MARCHF1: variants seen among roughly 807,000 people sequenced by gnomAD.
MARCHF1 encodes E3 ubiquitin-protein ligase MARCHF1.
In MARCHF1, 40 loss-of-function variants were observed where a neutral mutation model predicts 54.2. That is an observed-to-expected ratio of 0.74 (90% CI 0.57 to 0.96). The LOEUF (loss-of-function observed/expected upper bound fraction) is 0.96, where lower values mean the gene tolerates loss of function less well. Among genes scored for constraint, MARCHF1 ranks in the 40% least tolerant of loss-of-function variants. The probability of loss-of-function intolerance (pLI) is 0.00; values close to 1 mark genes in which losing one functional copy is unlikely to be tolerated. For synonymous variants in MARCHF1, 236 were observed against 236.3 expected (o/e 1.00, Z 0.01); for missense variants, 586 against 656.5 (o/e 0.89, Z 1.17).
At chr4:163,930,920 T>A (rs538625645) in intron 3 of MARCHF1, among the ~76,000 whole-genome samples, 1 of 152,176 alleles carries the variant, frequency 6.6e-6, no homozygotes, top group Admixed American at 6.6e-5. Context: ...ATGCTGTGAA[T>A]TAAATTGTGC....
At chr4:164,020,713 T>C (rs1414703021) in intron 2 of MARCHF1, among the ~76,000 whole-genome samples, 1 of 152,168 alleles carries the variant, frequency 6.6e-6, no homozygotes, top group African/African-American at 2.4e-5. Context: ...GGTAGATTGC[T>C]GGAGCTCAGG....
At chr4:163,683,246 G>A (rs181951979) in intron 5 of MARCHF1, among the ~76,000 whole-genome samples, 36 of 152,242 alleles carry the variant, frequency 2.4e-4, no homozygotes, top group East Asian at 2.1e-3. Flanking sequence ...CAATCATGGC[G>A]GAAGGTAAAA....
At chr4:163,898,554 G>A (rs1004428896) in intron 3 of MARCHF1, among the ~76,000 whole-genome samples, 4 of 152,188 alleles carry the variant, frequency 2.6e-5, no homozygotes, top group African/African-American at 9.7e-5. Flanking sequence ...TGAGGATGCA[G>A]AGAAAAGGGA....
intron 3 of MARCHF1, among the ~76,000 whole-genome samples, chr4:163,858,644 C>T (rs905775068): frequency 6.6e-6 from 1 of 152,062 alleles, no homozygotes; most frequent in Admixed American, 6.6e-5. Flanking sequence ...GTTCAGTTTC[C>T]ATTATGAAAG....
At chr4:163,867,708 A>ATAGGTATTCACT (rs1432000504) in intron 3 of MARCHF1, among the ~76,000 whole-genome samples, 2 of 151,730 alleles carry the variant, frequency 1.3e-5, no homozygotes, top group African/African-American at 4.8e-5. Context: ...GAATATTAAT[A>ATAGGTATTCACT]TAGGTATTCA....
chr4:163,608,384 G>T (rs1472201687), intron 7 of MARCHF1, among the ~76,000 whole-genome samples: 2 of 152,066 alleles, frequency 1.3e-5, no homozygotes, highest in Non-Finnish European at 2.9e-5. Flanking sequence ...GCATGAAAAG[G>T]TCATAGTTAA....
intron 1 of MARCHF1, among the ~76,000 whole-genome samples, chr4:164,301,013 G>GT (rs1341756013): frequency 2.8e-5 from 1 of 35,764 alleles, no homozygotes; most frequent in Admixed American, 3.0e-4. Flanking sequence ...CACACAGCAT[G>GT]TTTAGTTGCC....
At chr4:164,148,378 G>C (rs1433159093) in intron 1 of MARCHF1, among the ~76,000 whole-genome samples, 2 of 151,940 alleles carry the variant, frequency 1.3e-5, no homozygotes, top group African/African-American at 4.8e-5. Flanking sequence ...CATAGATCTT[G>C]GTTAAGTAAT....
chr4:163,853,938 A>G (rs989072975), intron 4 of MARCHF1, 83 bp downstream of exon 4: 1 of 1,165,832 alleles, frequency 8.6e-7, no homozygotes, highest in Non-Finnish European at 1.2e-6. Flanking sequence ...GATAACATTT[A>G]CTTATAAGGT....
chr4:164,098,908 TG>T (rs1755473663), intron 2 of MARCHF1, among the ~76,000 whole-genome samples: 1 of 152,236 alleles, frequency 6.6e-6, no homozygotes, highest in Admixed American at 6.5e-5. Context: ...GCCATGTAAG[TG>T]GTCCAATTTT....
chr4:164,340,028 A>G (rs1470010145), intron 1 of MARCHF1, among the ~76,000 whole-genome samples: 2 of 152,122 alleles, frequency 1.3e-5, no homozygotes, highest in Non-Finnish European at 2.9e-5. Context: ...AAACTGAGCA[A>G]ACCAATAATG....
chr4:163,999,174 T>C (rs990647662), intron 2 of MARCHF1, among the ~76,000 whole-genome samples: 4 of 151,580 alleles, frequency 2.6e-5, no homozygotes, highest in African/African-American at 9.7e-5. Flanking sequence ...TCATTAGCCA[T>C]TACCCAATGT....
intron 2 of MARCHF1, among the ~76,000 whole-genome samples, chr4:164,020,081 T>A (rs139180410): frequency 1.3e-5 from 2 of 152,334 alleles, no homozygotes; most frequent in African/African-American, 4.8e-5. Context: ...GTGACTACAC[T>A]TTGCCTCAAA....
intron 1 of MARCHF1, among the ~76,000 whole-genome samples, chr4:164,219,672 T>C (rs1312018958): frequency 6.6e-6 from 1 of 152,118 alleles, no homozygotes; most frequent in Middle Eastern, 3.4e-3. Flanking sequence ...CTGTCAAGCC[T>C]GGAAGGGAGC....
rs142171290 is a variant in MARCHF1 at position 163,974,793 on chromosome 4, G to A, written c.-39+13708C>T. On this transcript the variant is annotated intron_variant, in intron 3 of 9. Coordinates refer to ENST00000514618, the MANE Select transcript of MARCHF1 (RefSeq NM_001394959.1). ...TGTGTCAATTTGACTGAGTCACTGGGTACCCAGACATTTGGCCAGAGTTAT... is the reference window on the plus strand; with the variant it reads ...TGTGTCAATTTGACTGAGTCACTGGATACCCAGACATTTGGCCAGAGTTAT... Among the ~76,000 whole-genome samples, 354 of 152,224 alleles carry A rather than the reference G, an allele frequency of 2.3e-3. 1 individual carries two copies. The highest frequency in any genetic ancestry group is 6.0e-3 in the Admixed American group (92 of 15,278).
At position 164,197,647 on chromosome 4, in the gene MARCHF1, A is replaced by G. The variant is rs374682080; in HGVS notation, c.-322-85985T>C. On this transcript the variant is annotated intron_variant, in intron 1 of 9. Coordinates refer to ENST00000514618, the MANE Select transcript of MARCHF1 (RefSeq NM_001394959.1). ...ATTCGACCGACTGTTGTCCAGGGCA[A>G]GTTCTTTCACATCAGAGGGCGCCCT... 5 of 1,612,768 alleles carry G rather than the reference A, an allele frequency of 3.1e-6. No homozygotes were observed. In the Admixed American group the frequency reaches 5.0e-5, roughly 16 times the overall value.
chr4:164,101,744 G>T lies in MARCHF1; in HGVS notation c.-248+9844C>A, dbSNP rs3962534. Among the ~76,000 whole-genome samples the T allele has an allele frequency of 1.3e-3, 182 of 142,132 alleles. 1 individual carries two copies. Among genetic ancestry groups the T allele is most frequent in the African/African-American group, 4.4e-3 (172 of 39,126 alleles). The allele number at this position is 142,132 out of a possible 152,430, so 93.2% of individuals were successfully genotyped here. A position where few individuals can be genotyped will look rare whatever the true frequency, so the allele number is the denominator to read the frequency against. ...AAGGAACGCAGTTCCTCACCAGCAA[G>T]GGAACAAAGCTGGATGGAGAATGAC... On this transcript the variant is annotated intron_variant, in intron 2 of 9. Coordinates refer to ENST00000514618, the MANE Select transcript of MARCHF1 (RefSeq NM_001394959.1).
At chr4:164,254,425 T>C (rs1015662002) in intron 1 of MARCHF1, among the ~76,000 whole-genome samples, 1 of 150,920 alleles carries the variant, frequency 6.6e-6, no homozygotes, top group African/African-American at 2.4e-5. Context: ...CTCCTATATA[T>C]ATGTATCAAT....
intron 3 of MARCHF1, among the ~76,000 whole-genome samples, chr4:163,910,938 T>C (rs1049447310): frequency 1.3e-5 from 2 of 152,304 alleles, no homozygotes; most frequent in South Asian, 4.1e-4. Flanking sequence ...TAACAGTAAG[T>C]TAAATGCAAA....
Sources: allele counts gnomAD v4.1 joint callset (sites outside exome capture counted in the v4.1 genomes callset), GRCh38; gene constraint gnomAD v4.1.1; transcripts MANE v1.5; gene names NCBI Gene and HGNC (gene_info 2026-07-23, HGNC 2026-07-21).